The following SLC19A1 variants were observed in gnomAD, a reference collection of about 807,000 sequenced individuals.
The protein encoded by SLC19A1 is solute carrier family 19 member 1, also known as reduced folate transporter.
SLC19A1 carries 37 observed loss-of-function variants against 35.3 expected under a neutral mutation model. The observed-to-expected ratio is 1.05, with a 90% CI of 0.81 to 1.38. The LOEUF (loss-of-function observed/expected upper bound fraction) is 1.38. SLC19A1 is among the 40% of genes most tolerant of loss of function. SLC19A1 has a pLI of 0.00. For missense variants in SLC19A1, 831 were observed against 826.9 expected (o/e 1.00, Z -0.06); for synonymous variants, 460 against 398.5 (o/e 1.15, Z -1.84).
intron 1 of SLC19A1, among the ~76,000 whole-genome samples, chr21:45,559,208 C>G (rs756976629): frequency 7.9e-5 from 12 of 152,166 alleles, no homozygotes; most frequent in Non-Finnish European, 2.9e-5. Flanking sequence ...TGCATCCAAC[C>G]TAAAAACATC....
intron 5 of SLC19A1, among the ~76,000 whole-genome samples, chr21:45,525,241 G>C (rs1052155299): frequency 3.3e-5 from 5 of 152,318 alleles, no homozygotes; most frequent in Admixed American, 2.0e-4. Flanking sequence ...CTGCAGGCTG[G>C]GGCAGTCCTG....
At chr21:45,559,605 G>A (rs1475596) in intron 1 of SLC19A1, among the ~76,000 whole-genome samples, 16,558 of 152,142 alleles carry the variant, frequency 0.11, 2,198 homozygotes, top group African/African-American at 0.3. Flanking sequence ...GGGAGCATCC[G>A]GCCAAACCTG....
chr21:45,506,279 G>A (rs1324567606), intron 3 of SLC19A1: 28 of 398,314 alleles, frequency 7.0e-5, no homozygotes, highest in East Asian at 1.7e-4. Flanking sequence ...AAGACAAGGC[G>A]CCTGACGGGA....
upstream of SLC19A1, among the ~76,000 whole-genome samples, chr21:45,545,399 A>C: frequency 2.1e-5 from 3 of 142,256 alleles, no homozygotes; most frequent in Admixed American, 7.0e-5. Flanking sequence ...CCCTCCTCCC[A>C]CTCTTGCTAT....
At chr21:45,556,563 T>G (rs1215641765) in intron 1 of SLC19A1, among the ~76,000 whole-genome samples, 1 of 152,270 alleles carries the variant, frequency 6.6e-6, no homozygotes, top group Non-Finnish European at 1.5e-5. Context: ...ATTAAATTTG[T>G]ACTAATTAAA....
At chr21:45,539,826 A>T (rs1281658608) in intron 1 of SLC19A1, among the ~76,000 whole-genome samples, 3 of 152,130 alleles carry the variant, frequency 2.0e-5, no homozygotes, top group Non-Finnish European at 4.4e-5. Context: ...TGGGCTTGCA[A>T]TGGGGGCCGC....
rs74672460 is a variant in SLC19A1 at position 45,539,551 on chromosome 21, G to C, written c.-49-1543C>G. Among the ~76,000 whole-genome samples, 1,427 of 152,312 alleles carry C rather than the reference G, an allele frequency of 9.4e-3. 14 individuals are homozygous for C. The highest frequency in any genetic ancestry group is 0.032 in the African/African-American group (1,346 of 41,566). ...GCTTTGGGGGTCCAGGGACCCCTAG[G>C]AAAATCTGCCCCAGGCTCTCAGCAT... On this transcript the variant is annotated intron_variant, in intron 1 of 5. Coordinates refer to ENST00000311124, the MANE Select transcript of SLC19A1 (RefSeq NM_194255.4).
intron 5 of SLC19A1, among the ~76,000 whole-genome samples, chr21:45,521,800 A>G (rs900917771): frequency 4.6e-5 from 7 of 152,224 alleles, no homozygotes; most frequent in African/African-American, 1.7e-4. Flanking sequence ...GAATAAATGG[A>G]TACGCACAGG....
In SLC19A1 at chr21:45,512,603, GAC is replaced by G; in HGVS notation, c.*3053_*3054del. The G allele has an allele frequency of 1.6e-6, 1 of 617,150 alleles. No homozygotes were observed. The highest frequency in any genetic ancestry group is 2.8e-6 in the Non-Finnish European group (1 of 352,146). The allele number at this position is 617,150 out of a possible 1,614,324, so 38.2% of individuals were successfully genotyped here. ...AAGTTTAAAACAGAAGCCTGATGCT[GAC>G]ATTCACCTGCCCCAACTCTCCCCTG... is the stretch of plus-strand genomic sequence containing the variant. On this transcript the variant is annotated 3_prime_UTR_variant, in exon 6 of 6. Transcript: ENST00000311124.
chr21:45,542,491 C>A (rs1181107060), upstream of SLC19A1: 2 of 150,848 alleles, frequency 1.3e-5, no homozygotes, highest in African/African-American at 4.8e-5. Flanking sequence ...GCGGGTCCGT[C>A]CCGCCGAACG....
chr21:45,516,948 C>T (rs890533153), intron 5 of SLC19A1, among the ~76,000 whole-genome samples: 4 of 152,208 alleles, frequency 2.6e-5, no homozygotes, highest in Non-Finnish European at 4.4e-5. Flanking sequence ...GGGGCTGACA[C>T]GCTTCTCCCT....
chr21:45,548,006 A>G (rs2078431101), upstream of SLC19A1, among the ~76,000 whole-genome samples: 1 of 152,252 alleles, frequency 6.6e-6, no homozygotes, highest in Non-Finnish European at 1.5e-5. Flanking sequence ...TGAGATGGAA[A>G]TGCAAAAGAC....
intron 1 of SLC19A1, among the ~76,000 whole-genome samples, chr21:45,557,985 G>A (rs1344712647): frequency 6.6e-6 from 1 of 152,224 alleles, no homozygotes; most frequent in African/African-American, 2.4e-5. Context: ...ATTCTTCGGA[G>A]GGCATGACCA....
intron 1 of SLC19A1, among the ~76,000 whole-genome samples, chr21:45,555,522 G>C (rs2146507862): frequency 6.9e-6 from 1 of 145,908 alleles, no homozygotes; most frequent in Non-Finnish European, 1.5e-5. Flanking sequence ...TGCAGGGAAC[G>C]GAGGTGCAGG....
At chr21:45,535,018 G>A (rs763505388) in intron 2 of SLC19A1, among the ~76,000 whole-genome samples, 2 of 152,254 alleles carry the variant, frequency 1.3e-5, no homozygotes, top group Non-Finnish European at 2.9e-5. Flanking sequence ...GCGGGAAGGT[G>A]GGCAAGGCCC....
At chr21:45,556,829 G>C (rs1258178979) in intron 1 of SLC19A1, among the ~76,000 whole-genome samples, 3 of 152,230 alleles carry the variant, frequency 2.0e-5, no homozygotes, top group Non-Finnish European at 4.4e-5. Flanking sequence ...TGGCATGGGA[G>C]TCCTGTGGCC....
chr21:45,555,692 C>G (rs1442852851), intron 1 of SLC19A1, among the ~76,000 whole-genome samples: 5 of 151,990 alleles, frequency 3.3e-5, no homozygotes, highest in African/African-American at 9.7e-5. Flanking sequence ...CTGGCCTAGG[C>G]CCTGGGACCG....
At chr21:45,557,131 C>A (rs1040962583) in intron 1 of SLC19A1, among the ~76,000 whole-genome samples, 1 of 152,222 alleles carries the variant, frequency 6.6e-6, no homozygotes, top group African/African-American at 2.4e-5. Context: ...ACAATGGCAC[C>A]CGCTGCATGG....
At chr21:45,504,886 C>T (rs1480422596) in intron 3 of SLC19A1, among the ~76,000 whole-genome samples, 1 of 150,190 alleles carries the variant, frequency 6.7e-6, no homozygotes, top group Non-Finnish European at 1.5e-5. Context: ...AGCCATGGGC[C>T]CCAGCTACTG....
Sources: allele counts gnomAD v4.1 joint callset (sites outside exome capture counted in the v4.1 genomes callset), GRCh38; gene constraint gnomAD v4.1.1; transcripts MANE v1.5; gene names NCBI Gene and HGNC (gene_info 2026-07-23, HGNC 2026-07-21).